The following COL5A3 variants were observed in gnomAD, a reference collection of about 807,000 sequenced individuals.
The protein encoded by COL5A3 is collagen alpha-3(V) chain.
COL5A3 carries 172 observed loss-of-function variants against 250.0 expected under a neutral mutation model. The observed-to-expected ratio is 0.69, with a 90% confidence interval of 0.61 to 0.78. The LOEUF is 0.78. COL5A3 is among the 30% of genes least tolerant of loss of function. The pLI is 0.00. For synonymous variants in COL5A3, 937 were observed against 900.4 expected (o/e 1.04, Z -0.73); for missense variants, 2,340 against 2,334.4 (o/e 1.00, Z -0.05).
intron 56 of COL5A3, 35 bp from the exon 57 acceptor site, chr19:9,969,437 C>A: frequency 1.9e-6 from 3 of 1,599,710 alleles, no homozygotes; most frequent in Non-Finnish European, 2.6e-6. Context: ...TGGGCTGCAC[C>A]CTGTCAGAAC....
intron 61 of COL5A3, 71 bp from the exon 62 acceptor site, chr19:9,967,471 ACACACACACACTCACACACACACT>A: frequency 2.0e-6 from 2 of 1,005,798 alleles, no homozygotes; most frequent in South Asian, 3.3e-5. Context: ...ACACACAAAC[ACACACACACACTCACACACACACT>A]CACACACACA....
In COL5A3 at chr19:9,965,683, C is replaced by T. The variant is rs2086734177; in HGVS notation, c.4782+631G>A. 2.2e-5 allele frequency among the ~76,000 whole-genome samples: 3 copies of T among 138,948 alleles called. No homozygotes were observed. In the Admixed American group the frequency reaches 2.2e-4, roughly 10 times the overall value. 91.2% of individuals were successfully genotyped at this position (138,948 alleles called of 152,430 possible). ...GGTCAGCCTTGTCTCGAACTCCTGACCTCAGGTGATCTGCCCCCGCTTGGC... is the reference window on the plus strand; with the variant it reads ...GGTCAGCCTTGTCTCGAACTCCTGATCTCAGGTGATCTGCCCCCGCTTGGC... On this transcript the variant is annotated intron_variant, in intron 64 of 66. Transcript: ENST00000264828.
intron 4 of COL5A3, among the ~76,000 whole-genome samples, chr19:10,004,728 C>T (rs757683936): frequency 5.3e-5 from 8 of 152,122 alleles, no homozygotes; most frequent in Non-Finnish European, 1.2e-4. Context: ...CCCTGGCCTC[C>T]CAGAGGTGAC....
At position 9,989,341 on chromosome 19, in the gene COL5A3, G is replaced by A. The variant is rs780497436; in HGVS notation, c.2072C>T (p.Thr691Met). ...PLGHPGHEGP[T>M]GEKGAQGPPG... ...ACTCACCTGAGCCCCTTTCTCTCCC[G>A]TGGGGCCCTCATGTCCTGGGTGACC... The change falls in exon 26 of 67, where the codon ACG (threonine) becomes ATG (methionine). Residue 691 changes from threonine (T) to methionine (M), a missense_variant. Thr to Met is a moderately conservative substitution (Grantham distance 81). Transcript: ENST00000264828. 53 of 1,614,018 alleles carry A rather than the reference G, an allele frequency of 3.3e-5. No individual in the cohort carries two copies. Among genetic ancestry groups the A allele is most frequent in the Non-Finnish European group, 2.5e-5 (30 of 1,180,032 alleles).
chr19:9,968,967 T>A lies in COL5A3; in HGVS notation c.4153-239A>T. ...CCAAGGTCAGCGTGGGTGATCAGTGTAGACCATTAAGATGGAGAGTCAGTG... is the reference window on the plus strand; with the variant it reads ...CCAAGGTCAGCGTGGGTGATCAGTGAAGACCATTAAGATGGAGAGTCAGTG... On this transcript the variant is annotated intron_variant, in intron 57 of 66. Coordinates refer to ENST00000264828, the MANE Select transcript of COL5A3 (RefSeq NM_015719.4). This position sits in a 1 kb window ranked among gnomAD's most constrained non-coding sequence, Gnocchi z 4.1. The A allele has an allele frequency of 1.7e-6, 1 of 605,894 alleles. No individual in the cohort carries two copies. The highest frequency in any genetic ancestry group is 2.9e-6 in the Non-Finnish European group (1 of 344,214). The allele number at this position is 605,894 out of a possible 1,614,324, so 37.5% of individuals were successfully genotyped here.
At chr19:9,995,323 A>G (rs2087254206) in intron 16 of COL5A3, among the ~76,000 whole-genome samples, 1 of 152,098 alleles carries the variant, frequency 6.6e-6, no homozygotes. Flanking sequence ...CCACTTCCCC[A>G]TCTGTTCATC....
At chr19:9,966,269 G>C (rs746983055) in intron 64 of COL5A3, 45 bp downstream of exon 64, 1 of 1,446,000 alleles carries the variant, frequency 6.9e-7, no homozygotes, top group East Asian at 2.3e-5. Flanking sequence ...GGGAGCAGGG[G>C]ACAGCACTTC....
intron 48 of COL5A3, 27 bp downstream of exon 48, chr19:9,973,892 C>A: frequency 3.1e-6 from 5 of 1,591,546 alleles, no homozygotes; most frequent in Non-Finnish European, 4.3e-6. Flanking sequence ...CATCTCTGAG[C>A]CTTCCTGGCC....
chr19:9,986,769 A>AAAAT lies in COL5A3; in HGVS notation c.2146-12_2146-11insATTT, dbSNP rs2087106929. Reference sequence around the variant, plus strand: ...GTTGCCTGAAGTGCCCTGGAAAATAAAAAAAAAAAGCTCTCAAGCCTCTTC... The same window carrying AAAAT: ...GTTGCCTGAAGTGCCCTGGAAAATAAAAATAAAAAAAAAGCTCTCAAGCCTCTTC... On this transcript the variant is annotated splice_polypyrimidine_tract_variant and intron_variant, in intron 27 of 66. Transcript: ENST00000264828. The AAAAT allele has an allele frequency of 6.4e-7, 1 of 1,553,484 alleles. No individual in the cohort carries two copies. The highest frequency in any genetic ancestry group is 1.7e-5 in the Admixed American group (1 of 58,616).
rs772177509 is a variant in COL5A3, at chr19:9,966,370, A to T, written c.4726T>A (p.Cys1576Ser). The T allele has an allele frequency of 1.6e-5, 25 of 1,610,300 alleles. No homozygotes were observed. The highest frequency in any genetic ancestry group is 1.8e-5 in the Non-Finnish European group (21 of 1,177,796). ...GCARDSFRVF[C>S]NFTAGGETCL... ...GTCTCTCCTCCCGCCGTGAAGTTGC[A>T]AAAAACCCTGAACGAGTCCCGCGCG... Residue 1576 changes from cysteine to serine, a missense_variant, in exon 64 of 67, where the codon TGC becomes AGC. Physicochemically the swap from Cys to Ser is moderately radical, Grantham distance 112. This residue lies in a region of COL5A3 where 1,179 missense variants were observed against 1,162.6 expected (regional missense o/e 1.01). Coordinates refer to ENST00000264828, the MANE Select transcript of COL5A3 (RefSeq NM_015719.4).
intron 50 of COL5A3, 62 bp from the exon 51 acceptor site, chr19:9,973,088 T>A (rs2145075647): frequency 6.9e-7 from 1 of 1,445,040 alleles, no homozygotes; most frequent in Non-Finnish European, 9.4e-7. Context: ...AGGATTAGCA[T>A]ACTTGGATTC....
intron 64 of COL5A3, among the ~76,000 whole-genome samples, chr19:9,963,621 G>C (rs1398684616): frequency 6.6e-6 from 1 of 151,084 alleles, no homozygotes. Context: ...TTGAACTCCT[G>C]GGCTCAAGCG....
intron 62 of COL5A3, 47 bp from the exon 63 acceptor site, chr19:9,966,793 GGA>G (rs2145055440): frequency 1.4e-6 from 2 of 1,388,864 alleles, no homozygotes; most frequent in East Asian, 2.5e-5. Flanking sequence ...GATGGGGGAG[GGA>G]GAGAGAGGGA....
rs760313168 is a variant in COL5A3, at chr19:10,003,557, G to A, written c.849+8C>T. The A allele has an allele frequency of 1.9e-6, 3 of 1,613,972 alleles. No homozygotes were observed. The highest frequency in any genetic ancestry group is 2.5e-6 in the Non-Finnish European group (3 of 1,179,890). ...AAAACCGGAAGTGAGAGGTCTCAGG[G>A]CCCTTACCTGGTTCTCTGCGGAGTC... On this transcript the variant is annotated splice_region_variant and intron_variant, in intron 6 of 66. Transcript: ENST00000264828.
intron 8 of COL5A3, among the ~76,000 whole-genome samples, chr19:9,999,397 T>G (rs1279495286): frequency 6.6e-6 from 1 of 151,140 alleles, no homozygotes; most frequent in Non-Finnish European, 1.5e-5. Context: ...AGGGTCTTGC[T>G]ATGTTGCCCA....
chr19:9,991,630 T>G lies in COL5A3; in HGVS notation c.1972A>C (p.Ile658Leu), dbSNP rs778666480. ...SQGLPGPQGL[I>L]GTPGEKGPPG... Reference sequence around the variant, plus strand: ...CTCACCTTCTCCCCAGGAGTGCCAATGAGTCCCTGGGGACCGGGGAGTCCC... The same window carrying G: ...CTCACCTTCTCCCCAGGAGTGCCAAGGAGTCCCTGGGGACCGGGGAGTCCC... The change falls in exon 24 of 67, where the codon ATT becomes CTT. Residue 658 changes from isoleucine to leucine, a missense_variant. By Grantham distance (5) the Ile-to-Leu change is conservative. This residue lies in a region of COL5A3 where 1,152 missense variants were observed against 1,146.3 expected (regional missense o/e 1.00). Coordinates refer to ENST00000264828, the MANE Select transcript of COL5A3 (RefSeq NM_015719.4). 1.2e-6 allele frequency: 2 copies of G among 1,606,420 alleles called. No individual in the cohort carries two copies. Among genetic ancestry groups the G allele is most frequent in the South Asian group, 2.2e-5 (2 of 90,020 alleles).
At chr19:10,010,271 G>A in intron 1 of COL5A3, 27 bp downstream of exon 1, 1 of 1,396,162 alleles carries the variant, frequency 7.2e-7, no homozygotes, top group Non-Finnish European at 9.4e-7. Flanking sequence ...GTGGACCCTG[G>A]GTCCCATCTC....
chr19:9,959,878 AC>A lies in COL5A3; in HGVS notation c.*532del, dbSNP rs2086647074. The A allele has an allele frequency of 6.5e-6, 1 of 153,694 alleles. No homozygotes were observed. Among genetic ancestry groups the A allele is most frequent in the Non-Finnish European group, 1.4e-5 (1 of 69,240 alleles). 9.5% of individuals were successfully genotyped at this position (153,694 alleles called of 1,614,324 possible). ...GGGCTGAGGCAGGAAAAGAAACACA[AC>A]CCAGTCAAGGGAAGTCCCTCTTCCC... On this transcript the variant is annotated 3_prime_UTR_variant, in exon 67 of 67. Transcript: ENST00000264828.
intron 27 of COL5A3, 67 bp from the exon 28 acceptor site, chr19:9,986,825 C>G (rs972050032): frequency 6.4e-7 from 1 of 1,571,078 alleles, no homozygotes; most frequent in African/African-American, 1.4e-5. Flanking sequence ...GACTCAGTCC[C>G]CTGCTCTAAA....
Sources: gnomAD v4.1 joint callset for allele counts (sites outside exome capture counted in the v4.1 genomes callset) on GRCh38, gnomAD v4.1.1 for gene constraint, gnomAD v4.1.1 regional missense constraint, Gnocchi (gnomAD v3.1) non-coding constraint, MANE v1.5 for transcripts, NCBI Gene and HGNC (gene_info 2026-07-23, HGNC 2026-07-21) for gene names.